Variants in ASIC2 observed in about 807,000 individuals in gnomAD.
The protein encoded by ASIC2 is acid-sensing ion channel 2.
ASIC2 carries 25 observed loss-of-function variants against 57.3 expected under a neutral mutation model. The ratio of observed to expected loss-of-function variants is 0.44; its 90% CI spans 0.32 to 0.61. The LOEUF is 0.61. Ranked by LOEUF, ASIC2 falls within the 20% of genes least tolerant of loss-of-function variation. The probability of loss-of-function intolerance (pLI) is 0.06; values close to 1 mark genes in which losing one functional copy is unlikely to be tolerated. For synonymous variants in ASIC2, 319 were observed against 307.5 expected, an observed-to-expected ratio of 1.04 and a Z score of -0.39; for missense variants, 641 against 738.1, an observed-to-expected ratio of 0.87 and a Z score of 1.52.
intron 1 of ASIC2, chr17:33,688,708 C>T (rs907854212): frequency 2.6e-5 from 4 of 152,220 alleles, no homozygotes; most frequent in Non-Finnish European, 4.4e-5. Context: ...AATCTGAGTA[C>T]ATTTCTGTGA....
intron 2 of ASIC2, among the ~76,000 whole-genome samples, chr17:33,098,151 G>C (rs925091920): frequency 2.7e-4 from 41 of 152,150 alleles, no homozygotes; most frequent in African/African-American, 9.4e-4. Context: ...AATTCTATGA[G>C]CTGAGGGCCA....
chr17:33,017,700 A>C lies in ASIC2; in HGVS notation c.1442-16T>G. The C allele has an allele frequency of 6.2e-7, 1 of 1,608,716 alleles. No individual in the cohort carries two copies. The highest frequency in any genetic ancestry group is 8.5e-7 in the Non-Finnish European group (1 of 1,175,334). On this transcript the variant is annotated splice_polypyrimidine_tract_variant and intron_variant, in intron 7 of 9. Coordinates refer to ENST00000225823, the MANE Select transcript of ASIC2 (RefSeq NM_183377.2). ...CCAATATCACCTGGAGAGAGAGGGA[A>C]AAGACCAAAGCTTTGCTTTTATGCA...
chr17:34,016,470 T>C (rs990063212), intron 1 of ASIC2, among the ~76,000 whole-genome samples: 1 of 146,988 alleles, frequency 6.8e-6, no homozygotes, highest in Non-Finnish European at 1.5e-5. Flanking sequence ...CTGCCCATCA[T>C]GAATCCATCT....
intron 1 of ASIC2, among the ~76,000 whole-genome samples, chr17:33,474,859 T>G (rs1470111091): frequency 6.6e-6 from 1 of 152,172 alleles, no homozygotes; most frequent in African/African-American, 2.4e-5. Context: ...TTAGAATGGT[T>G]AGAGGTAGGA....
intron 3 of ASIC2, among the ~76,000 whole-genome samples, chr17:33,053,766 C>T (rs2091987064): frequency 6.6e-6 from 1 of 152,032 alleles, no homozygotes; most frequent in Non-Finnish European, 1.5e-5. Context: ...CTCTTGTAGC[C>T]ACTCTGCCTT....
chr17:33,467,029 A>G lies in ASIC2; in HGVS notation c.556-354962T>C, dbSNP rs1912888650. On this transcript the variant is annotated intron_variant, in intron 1 of 9. Transcript: ENST00000359872. ...TAAACTAAAGTGCTTCTGCACGGCA[A>G]AAGAAACTACCATCAGAGTGAACAG... Among the ~76,000 whole-genome samples the G allele has an allele frequency of 4.6e-5, 7 of 152,348 alleles. No individual in the cohort carries two copies. The South Asian group carries it at 1.4e-3, about 32-fold the overall frequency.
At chr17:33,139,974 G>A (rs113165407) in intron 1 of ASIC2, among the ~76,000 whole-genome samples, 1 of 152,198 alleles carries the variant, frequency 6.6e-6, no homozygotes, top group African/African-American at 2.4e-5. Flanking sequence ...ACATGGATTC[G>A]TAAAGGAGAA....
chr17:33,425,894 C>T (rs1370282027), intron 1 of ASIC2, among the ~76,000 whole-genome samples: 3 of 152,078 alleles, frequency 2.0e-5, no homozygotes, highest in Non-Finnish European at 4.4e-5. Flanking sequence ...TAGATCCTGG[C>T]CTGCCCCTAG....
At chr17:33,259,001 T>C (rs1386033809) in intron 1 of ASIC2, among the ~76,000 whole-genome samples, 1 of 151,994 alleles carries the variant, frequency 6.6e-6, no homozygotes, top group Admixed American at 6.6e-5. Flanking sequence ...CGAGGGTGTG[T>C]GTGGGGTGAG....
At chr17:33,356,717 G>T (rs1251054757) in intron 1 of ASIC2, among the ~76,000 whole-genome samples, 1 of 152,152 alleles carries the variant, frequency 6.6e-6, no homozygotes, top group Non-Finnish European at 1.5e-5. Flanking sequence ...AATTTGGATG[G>T]AGCGCCTCAG....
In ASIC2 at chr17:33,839,818, G is replaced by A. The variant is rs144911545; in HGVS notation, c.555+316160C>T. Among the ~76,000 whole-genome samples the A allele has an allele frequency of 3.2e-4, 48 of 152,274 alleles. No homozygotes were observed. The East Asian group carries it at 6.6e-3, about 21-fold the overall frequency. Reference sequence around the variant, plus strand: ...ACCCAGCAGCAGCAGCAGCAGCAATGGTTGGTTCCAGCCTCCAGCTCCTTT... The same window carrying A: ...ACCCAGCAGCAGCAGCAGCAGCAATAGTTGGTTCCAGCCTCCAGCTCCTTT... On this transcript the variant is annotated intron_variant, in intron 1 of 9. Coordinates refer to the ASIC2 transcript ENST00000359872.
intron 1 of ASIC2, among the ~76,000 whole-genome samples, chr17:33,736,281 G>C (rs773874539): frequency 6.6e-6 from 1 of 151,946 alleles, no homozygotes; most frequent in Non-Finnish European, 1.5e-5. Flanking sequence ...GTGGGGTCTT[G>C]GTGGGTCAGC....
intron 1 of ASIC2, among the ~76,000 whole-genome samples, chr17:33,549,579 G>A (rs944313225): frequency 6.6e-5 from 10 of 152,174 alleles, no homozygotes; most frequent in Admixed American, 1.3e-4. Flanking sequence ...TTGCAAATTA[G>A]CCTAGATTGT....
Position 33,746,381 on chromosome 17 carries a change from T to TATA in ASIC2, c.555+409596_555+409597insTAT, listed in dbSNP as rs1597859471. ...CTATATATGTAGATATACATGTATA[T>TATA]CTACATATATAGGTAGATACATGTA... On this transcript the variant is annotated intron_variant, in intron 1 of 9. Transcript: ENST00000359872. Among the ~76,000 whole-genome samples the TATA allele has an allele frequency of 2.7e-5, 4 of 149,150 alleles. No homozygotes were observed. In the East Asian group the frequency reaches 8.0e-4, roughly 30 times the overall value.
chr17:34,016,073 C>T (rs1179614659), intron 1 of ASIC2, among the ~76,000 whole-genome samples: 3 of 152,168 alleles, frequency 2.0e-5, no homozygotes, highest in Admixed American at 6.5e-5. Flanking sequence ...CAATATCCAT[C>T]GATATGTAAG....
At chr17:33,074,615 G>C (rs1049081228) in intron 3 of ASIC2, among the ~76,000 whole-genome samples, 2 of 152,198 alleles carry the variant, frequency 1.3e-5, no homozygotes, top group Non-Finnish European at 2.9e-5. Flanking sequence ...GAACACCTGA[G>C]GGCAACTGCA....
chr17:34,059,076 A>G (rs1261681914), intron 1 of ASIC2, among the ~76,000 whole-genome samples: 2 of 152,166 alleles, frequency 1.3e-5, no homozygotes, highest in Non-Finnish European at 2.9e-5. Flanking sequence ...TGAGCTCTGG[A>G]TCAACTGCAA....
chr17:33,454,879 C>T (rs9902868), intron 1 of ASIC2, among the ~76,000 whole-genome samples: 31,863 of 152,202 alleles, frequency 0.21, 3,586 homozygotes, highest in Non-Finnish European at 0.25. Flanking sequence ...TTTCTAAAAG[C>T]ACTAATCCCA....
intron 1 of ASIC2, among the ~76,000 whole-genome samples, chr17:33,670,792 C>A (rs1395829319): frequency 6.6e-6 from 1 of 152,192 alleles, no homozygotes; most frequent in Non-Finnish European, 1.5e-5. Flanking sequence ...GGCAGGACAA[C>A]CCCCAGGTAA....
Sources: allele counts gnomAD v4.1 joint callset (sites outside exome capture counted in the v4.1 genomes callset), GRCh38; gene constraint gnomAD v4.1.1; transcripts MANE v1.5; gene names NCBI Gene and HGNC (gene_info 2026-07-23, HGNC 2026-07-21).